ALDH1A2: variants seen among roughly 807,000 people sequenced by gnomAD.
The protein encoded by ALDH1A2 is retinal dehydrogenase 2.
A neutral mutation model predicts 60.3 loss-of-function variants in ALDH1A2; 27 were observed. That is an observed-to-expected ratio of 0.45 (90% CI 0.33 to 0.62). The LOEUF (loss-of-function observed/expected upper bound fraction) is 0.62. Ranked by LOEUF, ALDH1A2 falls within the 20% of genes least tolerant of loss-of-function variation. ALDH1A2 has a pLI of 0.02. For missense variants in ALDH1A2, 581 were observed against 643.8 expected, an observed-to-expected ratio of 0.90 and a Z score of 1.06; for synonymous variants, 289 against 232.4, an observed-to-expected ratio of 1.24 and a Z score of -2.21.
At chr15:57,956,953 C>T (rs909315597) in intron 12 of ALDH1A2, among the ~76,000 whole-genome samples, 7 of 152,120 alleles carry the variant, frequency 4.6e-5, no homozygotes, top group South Asian at 2.1e-4. Context: ...TGGATCCTAC[C>T]GTTTGGGTGT....
chr15:57,965,472 C>T (rs530131832), intron 8 of ALDH1A2, among the ~76,000 whole-genome samples: 1 of 152,310 alleles, frequency 6.6e-6, no homozygotes, highest in South Asian at 2.1e-4. Flanking sequence ...CTGACCAAGC[C>T]TTCATCTCAT....
Position 57,993,066 on chromosome 15 carries a change from A to C in ALDH1A2, c.563T>G (p.Phe188Cys), listed in dbSNP as rs1339185268. 1 of 1,612,390 alleles carries C rather than the reference A, an allele frequency of 6.2e-7. No individual in the cohort carries two copies. Among genetic ancestry groups the C allele is most frequent in the East Asian group, 2.2e-5 (1 of 44,882 alleles). ...GVCGQIIPWN[F>C]PLLMFAWKIA... is the part of the protein sequence containing the mutation. ...TTTCCAGGCAAACATCAGCAGGGGGAAGTTCCACTGAAAGGAAAAAACTCA... is the reference window on the plus strand; with the variant it reads ...TTTCCAGGCAAACATCAGCAGGGGGCAGTTCCACTGAAAGGAAAAAACTCA... Residue 188 changes from phenylalanine to cysteine, a missense_variant, in exon 6 of 13, where the codon TTC becomes TGC. This residue lies in a region of ALDH1A2 where 375 missense variants were observed against 469.7 expected (regional missense o/e 0.80). Transcript: ENST00000249750.
chr15:58,010,821 T>A, intron 3 of ALDH1A2, 43 bp from the exon 4 acceptor site: 9 of 1,609,906 alleles, frequency 5.6e-6, no homozygotes, highest in Non-Finnish European at 7.6e-6. Context: ...CCCAGAACTT[T>A]CCAGCGATAC....
chr15:58,003,514 T>C (rs1349293784), intron 4 of ALDH1A2, among the ~76,000 whole-genome samples: 4 of 151,944 alleles, frequency 2.6e-5, no homozygotes, highest in Non-Finnish European at 5.9e-5. Context: ...CTTTTCTATA[T>C]GCTAACATAT....
intron 1 of ALDH1A2, among the ~76,000 whole-genome samples, chr15:58,016,133 C>G (rs940964566): frequency 2.7e-5 from 4 of 149,584 alleles, no homozygotes; most frequent in African/African-American, 1.0e-4. Flanking sequence ...GCCCACTGAT[C>G]CTAATTTTTT....
At chr15:58,057,933 T>C (rs1896937158) in intron 1 of ALDH1A2, 1 of 784,514 alleles carries the variant, frequency 1.3e-6, no homozygotes. Context: ...ATAATAAAAA[T>C]TAAAATTAAA....
chr15:57,994,810 C>T (rs1275276215), intron 5 of ALDH1A2, among the ~76,000 whole-genome samples: 5 of 152,042 alleles, frequency 3.3e-5, no homozygotes, highest in Non-Finnish European at 1.5e-5. Flanking sequence ...TAACCAAGGG[C>T]AGGTTATTAA....
At chr15:58,047,315 T>A (rs1199501011) in intron 1 of ALDH1A2, among the ~76,000 whole-genome samples, 1 of 152,048 alleles carries the variant, frequency 6.6e-6, no homozygotes, top group East Asian at 1.9e-4. Context: ...AGTTAAATTT[T>A]ACTCAACTTG....
rs183256839 is a variant in ALDH1A2, at chr15:57,995,323, G to T, written c.494-184C>A. Among the ~76,000 whole-genome samples, 246 of 151,728 alleles carry T rather than the reference G, an allele frequency of 1.6e-3. 1 individual carries two copies. The highest frequency in any genetic ancestry group is 0.011 in the Admixed American group (161 of 15,208). Reference sequence around the variant, plus strand: ...TAACACTGGACATAGCATATTTCTGGATATATCTCTCAGACACCCAAATGC... The same window carrying T: ...TAACACTGGACATAGCATATTTCTGTATATATCTCTCAGACACCCAAATGC... On this transcript the variant is annotated intron_variant, in intron 4 of 12. Coordinates refer to ENST00000249750, the MANE Select transcript of ALDH1A2 (RefSeq NM_003888.4).
intron 1 of ALDH1A2, among the ~76,000 whole-genome samples, chr15:58,052,016 G>T (rs1391819156): frequency 6.6e-6 from 1 of 152,076 alleles, no homozygotes; most frequent in Non-Finnish European, 1.5e-5. Context: ...AGACTCAAAG[G>T]AGGAAGTCTC....
At position 58,014,301 on chromosome 15, in the gene ALDH1A2, A is replaced by G. The variant is rs778526159; in HGVS notation, c.118-20T>C. ...AAAGATCTAAGGGAGTAGATAACAG[A>G]ATGGGATCTGTGACACAGGTGATAA... On this transcript the variant is annotated intron_variant, in intron 1 of 12. Transcript: ENST00000249750. The G allele has an allele frequency of 2.5e-6, 4 of 1,586,124 alleles. No individual in the cohort carries two copies. Among genetic ancestry groups the G allele is most frequent in the Non-Finnish European group, 3.5e-6 (4 of 1,154,622 alleles).
At chr15:57,993,558 T>A (rs1334880061) in intron 5 of ALDH1A2, among the ~76,000 whole-genome samples, 1 of 152,196 alleles carries the variant, frequency 6.6e-6, no homozygotes, top group African/African-American at 2.4e-5. Flanking sequence ...TTTAGATACA[T>A]GCATTGTCAC....
At chr15:58,061,617 A>C (rs1290626950) in intron 1 of ALDH1A2, among the ~76,000 whole-genome samples, 8 of 149,960 alleles carry the variant, frequency 5.3e-5, no homozygotes, top group South Asian at 2.1e-4. Flanking sequence ...AAACAAAAAA[A>C]AAAAAAAAAC....
At chr15:58,006,289 C>T (rs1454762524) in intron 4 of ALDH1A2, among the ~76,000 whole-genome samples, 1 of 151,936 alleles carries the variant, frequency 6.6e-6, no homozygotes, top group African/African-American at 2.4e-5. Context: ...TCCTGAGTTA[C>T]TTCACTTAGA....
intron 1 of ALDH1A2, among the ~76,000 whole-genome samples, chr15:58,029,707 TC>T (rs1235792155): frequency 6.6e-6 from 1 of 151,664 alleles, no homozygotes; most frequent in Non-Finnish European, 1.5e-5. Flanking sequence ...AAAGGGAATA[TC>T]ACCACCGATT....
At chr15:57,981,327 C>CACACACAG (rs1333117134) in intron 7 of ALDH1A2, among the ~76,000 whole-genome samples, 30 of 144,240 alleles carry the variant, frequency 2.1e-4, no homozygotes, top group African/African-American at 7.7e-4. Flanking sequence ...CACACACACA[C>CACACACAG]AGACACACAC....
chr15:58,002,594 G>T (rs1465767397), intron 4 of ALDH1A2, among the ~76,000 whole-genome samples: 2 of 151,876 alleles, frequency 1.3e-5, no homozygotes, highest in African/African-American at 4.8e-5. Flanking sequence ...TCTGAAATGT[G>T]CCAGAAATTG....
In ALDH1A2 at chr15:57,954,746, C is replaced by A; in HGVS notation, c.*451G>T. On this transcript the variant is annotated 3_prime_UTR_variant, in exon 13 of 13. Transcript: ENST00000249750. Reference sequence around the variant, plus strand: ...AATTGTTCCCGGCCCAAACATCTGCCCCAGAATGAGCTCAGCTGACATCTC... The same window carrying A: ...AATTGTTCCCGGCCCAAACATCTGCACCAGAATGAGCTCAGCTGACATCTC... The A allele has an allele frequency of 1.0e-5, 2 of 195,852 alleles. No individual in the cohort carries two copies. Among genetic ancestry groups the A allele is most frequent in the Non-Finnish European group, 2.2e-5 (2 of 92,506 alleles). The allele number at this position is 195,852 out of a possible 1,614,324, so 12.1% of individuals were successfully genotyped here.
Position 57,985,260 on chromosome 15 carries a change from T to C in ALDH1A2, c.798+7445A>G, listed in dbSNP as rs531618651. On this transcript the variant is annotated intron_variant, in intron 7 of 12. Coordinates refer to ENST00000249750, the MANE Select transcript of ALDH1A2 (RefSeq NM_003888.4). ...CTTTGTGTTCTCCTGCTTCGAGTTG[T>C]TGACTAACACTGCCCTTTCTTCCCA... Among the ~76,000 whole-genome samples the C allele has an allele frequency of 2.6e-5, 4 of 152,300 alleles. No individual in the cohort carries two copies. In the South Asian group the frequency reaches 8.3e-4, roughly 32 times the overall value.
Sources: gnomAD v4.1 joint callset for allele counts (sites outside exome capture counted in the v4.1 genomes callset) on GRCh38, gnomAD v4.1.1 for gene constraint, gnomAD v4.1.1 regional missense constraint, MANE v1.5 for transcripts, NCBI Gene and HGNC (gene_info 2026-07-23, HGNC 2026-07-21) for gene names.